DCST1: variants seen among roughly 807,000 people sequenced by gnomAD.
The protein encoded by DCST1 is E3 ubiquitin-protein ligase DCST1.
A neutral mutation model predicts 89.1 loss-of-function variants in DCST1; 78 were observed. The ratio of observed to expected loss-of-function variants is 0.88; its 90% confidence interval spans 0.73 to 1.06. The LOEUF (loss-of-function observed/expected upper bound fraction) is 1.06, where lower values mean the gene tolerates loss of function less well. Ranked by LOEUF, DCST1 falls within the 50% of genes least tolerant of loss-of-function variation. The probability of loss-of-function intolerance (pLI) is 0.00; values close to 1 mark genes in which losing one functional copy is unlikely to be tolerated. For missense variants in DCST1, 900 were observed against 928.6 expected, an observed-to-expected ratio of 0.97 and a Z score of 0.40; for synonymous variants, 364 against 371.9, an observed-to-expected ratio of 0.98 and a Z score of 0.24.
chr1:155,039,303 G>A, intron 4 of DCST1, 100 bp from the exon 5 acceptor site: 1 of 1,405,248 alleles, frequency 7.1e-7, no homozygotes, highest in Non-Finnish European at 9.4e-7. Flanking sequence ...GGATGGTGGT[G>A]GTTCCAGAAG....
intron 8 of DCST1, among the ~76,000 whole-genome samples, chr1:155,042,499 T>G (rs1422784756): frequency 1.3e-5 from 2 of 152,218 alleles, no homozygotes; most frequent in African/African-American, 4.8e-5. Context: ...CTCTCCTTAC[T>G]GATGTTTGTT....
chr1:155,042,897 A>G, intron 9 of DCST1, 41 bp downstream of exon 9: 1 of 1,587,306 alleles, frequency 6.3e-7, no homozygotes, highest in Non-Finnish European at 8.6e-7. Flanking sequence ...GTAGATAGGG[A>G]GTGGGAGGAG....
intron 9 of DCST1, among the ~76,000 whole-genome samples, 189 bp downstream of exon 9, chr1:155,043,045 A>G (rs538356955): frequency 7.8e-4 from 119 of 151,934 alleles, no homozygotes; most frequent in Admixed American, 1.6e-3. Flanking sequence ...CCACCCCCGA[A>G]CACCTGAGAT....
At chr1:155,047,470 G>C (rs1346441902) in intron 14 of DCST1, among the ~76,000 whole-genome samples, 158 bp downstream of exon 14, 1 of 152,246 alleles carries the variant, frequency 6.6e-6, no homozygotes, top group Non-Finnish European at 1.5e-5. Context: ...ACACATCTGG[G>C]CAGGCTTGAA....
At chr1:155,033,885 G>C in intron 1 of DCST1, 31 bp downstream of exon 1, 2 of 1,272,660 alleles carry the variant, frequency 1.6e-6, no homozygotes, top group Non-Finnish European at 2.2e-6. Context: ...CCCACTTCTC[G>C]GAGCAGAAGG....
rs779977076 is a variant in DCST1 at position 155,033,872 on chromosome 1, T to C, written c.-66+18T>C. 2 of 1,265,558 alleles carry C rather than the reference T, an allele frequency of 1.6e-6. No homozygotes were observed. The highest frequency in any genetic ancestry group is 2.2e-6 in the Non-Finnish European group (2 of 914,498). 78.4% of individuals were successfully genotyped at this position (1,265,558 alleles called of 1,614,324 possible). The stretch of plus-strand genomic sequence containing the variant: ...GGGGATAGGTAGGTCTCTAATCTCC[T>C]TCCCCACTTCTCGGAGCAGAAGGAT... On this transcript the variant is annotated intron_variant, in intron 1 of 16. Coordinates refer to ENST00000295542, the MANE Select transcript of DCST1 (RefSeq NM_152494.4).
intron 4 of DCST1, 99 bp downstream of exon 4, chr1:155,034,826 C>G: frequency 1.5e-6 from 2 of 1,293,274 alleles, no homozygotes; most frequent in Non-Finnish European, 2.2e-6. Flanking sequence ...TCTTCTGTAC[C>G]CATACATCCC....
At chr1:155,043,000 T>C in intron 9 of DCST1, 144 bp downstream of exon 9, 1 of 875,726 alleles carries the variant, frequency 1.1e-6, no homozygotes, top group Non-Finnish European at 1.6e-6. Flanking sequence ...AGGGGGAATG[T>C]CGCTGGTGTT....
intron 10 of DCST1, chr1:155,045,637 C>A: frequency 1.9e-6 from 1 of 513,608 alleles, no homozygotes; most frequent in South Asian, 2.1e-5. Context: ...CTCCTCTGAG[C>A]CCCCACCTCA....
intron 10 of DCST1, 88 bp from the exon 11 acceptor site, chr1:155,045,805 A>G: frequency 8.7e-7 from 1 of 1,146,040 alleles, no homozygotes; most frequent in Middle Eastern, 2.0e-4. Context: ...TGGTTGGTTG[A>G]ATGACTGTGC....
In DCST1 at chr1:155,046,434, C is replaced by A. The variant is rs759161661; in HGVS notation, c.1443C>A (p.Tyr481Ter). ...VVLCGLDWAL[Y>*]SIFDTIRHHS... ...TGTGTGGCTTGGACTGGGCTCTCTACTCCATCTTCGACACCATCCGCCACC... is the reference window on the plus strand; with the variant it reads ...TGTGTGGCTTGGACTGGGCTCTCTAATCCATCTTCGACACCATCCGCCACC... The change falls in exon 13 of 17, where the codon TAC becomes TAA. Residue 481 changes from tyrosine to a stop codon, truncating the protein, a stop_gained. Coordinates refer to ENST00000295542, the MANE Select transcript of DCST1 (RefSeq NM_152494.4). LOFTEE classifies it high-confidence loss of function. 1.9e-6 allele frequency: 3 copies of A among 1,614,002 alleles called. No individual in the cohort carries two copies. The highest frequency in any genetic ancestry group is 2.5e-6 in the Non-Finnish European group (3 of 1,180,006).
chr1:155,042,916 G>A (rs1660481241), intron 9 of DCST1, 60 bp downstream of exon 9: 2 of 1,596,626 alleles, frequency 1.3e-6, no homozygotes, highest in Non-Finnish European at 1.7e-6. Context: ...AGGGCATGAG[G>A]GAATAGAGCT....
Position 155,034,103 on chromosome 1 carries a change from T to A in DCST1, c.61+6T>A, listed in dbSNP as rs1660191996. 6.2e-7 allele frequency: 1 copy of A among 1,613,664 alleles called. No individual in the cohort carries two copies. On this transcript the variant is annotated splice_donor_region_variant and intron_variant, in intron 2 of 16. Transcript: ENST00000295542. ...AAGAAAACAGCCTCATACCAGTGAG[T>A]CACTCAGCAGAGACCCAGTATCCCT... is the stretch of plus-strand genomic sequence containing the variant.
At chr1:155,043,593 C>G in intron 10 of DCST1, 84 bp downstream of exon 10, 1 of 1,428,746 alleles carries the variant, frequency 7.0e-7, no homozygotes, top group Non-Finnish European at 9.3e-7. Context: ...GGATGGAACC[C>G]TAGCACCTAT....
At chr1:155,045,385 A>T (rs1660584968) in intron 10 of DCST1, 1 of 191,646 alleles carries the variant, frequency 5.2e-6, no homozygotes, top group African/African-American at 2.4e-5. Flanking sequence ...GCCAGGGTGT[A>T]TTGGGGGAGG....
intron 8 of DCST1, 51 bp from the exon 9 acceptor site, chr1:155,042,684 A>C (rs1455352355): frequency 6.2e-7 from 1 of 1,611,360 alleles, no homozygotes; most frequent in African/African-American, 1.3e-5. Flanking sequence ...CCAGGCCTGC[A>C]CCTGGAGGAC....
intron 4 of DCST1, among the ~76,000 whole-genome samples, chr1:155,036,953 G>A (rs1402568642): frequency 1.3e-5 from 2 of 152,234 alleles, no homozygotes; most frequent in African/African-American, 2.4e-5. Flanking sequence ...TGGAGAATGG[G>A]GTCTCGCTAT....
chr1:155,041,343 A>G, intron 6 of DCST1, 54 bp from the exon 7 acceptor site: 1 of 1,588,306 alleles, frequency 6.3e-7, no homozygotes. Context: ...CTCAGGCAGC[A>G]GAAGTTCTAA....
chr1:155,033,833 C>A lies in DCST1; in HGVS notation c.-87C>A, dbSNP rs566845073. The stretch of plus-strand genomic sequence containing the variant: ...ATGTCTTGGAATCCTTGACCCAGTT[C>A]CGAGGACTGGAGAGGGGATAGGTAG... On this transcript the variant is annotated 5_prime_UTR_variant, in exon 1 of 17. Transcript: ENST00000295542. 1,336 of 1,408,618 alleles carry A rather than the reference C, an allele frequency of 9.5e-4. 2 individuals are homozygous for A. Among genetic ancestry groups the A allele is most frequent in the Non-Finnish European group, 1.1e-3 (1,160 of 1,039,498 alleles). 87.3% of individuals were successfully genotyped at this position (1,408,618 alleles called of 1,614,324 possible). A position where few individuals can be genotyped will look rare whatever the true frequency, so the allele number is the denominator to read the frequency against.
Sources: allele counts gnomAD v4.1 joint callset (sites outside exome capture counted in the v4.1 genomes callset), GRCh38; gene constraint gnomAD v4.1.1; transcripts MANE v1.5; gene names NCBI Gene and HGNC (gene_info 2026-07-23, HGNC 2026-07-21).